The following DLG2 variants were observed in gnomAD, a reference collection of about 807,000 sequenced individuals.
DLG2 encodes the protein disks large homolog 2.
A neutral mutation model predicts 132.5 loss-of-function variants in DLG2; 45 were observed. The ratio of observed to expected loss-of-function variants is 0.34; its 90% confidence interval spans 0.27 to 0.44. The LOEUF (loss-of-function observed/expected upper bound fraction) is 0.44. Ranked by LOEUF, DLG2 falls within the 20% of genes least tolerant of loss-of-function variation. The pLI, the probability that DLG2 is intolerant of heterozygous loss-of-function variation, is 1.00. For synonymous variants in DLG2, 424 were observed against 419.6 expected (o/e 1.01, Z -0.13); for missense variants, 1,045 against 1,196.9 (o/e 0.87, Z 1.87).
intron 3 of DLG2, among the ~76,000 whole-genome samples, chr11:85,504,504 T>A (rs1365582454): frequency 6.6e-6 from 1 of 152,340 alleles, no homozygotes; most frequent in African/African-American, 2.4e-5. Flanking sequence ...GTCAGGTTTA[T>A]CAAATATCAG....
intron 7 of DLG2, among the ~76,000 whole-genome samples, chr11:84,382,613 G>A (rs905411926): frequency 1.3e-5 from 2 of 152,084 alleles, no homozygotes; most frequent in Admixed American, 6.6e-5. Context: ...TGTCTCAGAA[G>A]TTTTGTTTTA....
intron 7 of DLG2, among the ~76,000 whole-genome samples, chr11:84,254,103 C>T (rs2097428025): frequency 6.6e-6 from 1 of 152,064 alleles, no homozygotes; most frequent in Non-Finnish European, 1.5e-5. Context: ...CAAAAGTGTG[C>T]CTCATATCCA....
At chr11:83,563,559 G>A (rs1253302402) in intron 19 of DLG2, among the ~76,000 whole-genome samples, 1 of 152,194 alleles carries the variant, frequency 6.6e-6, no homozygotes, top group African/African-American at 2.4e-5. Context: ...TGATGGGACT[G>A]AAGAGTACAA....
At chr11:85,590,498 TCTATTAA>T (rs2079243655) in intron 3 of DLG2, among the ~76,000 whole-genome samples, 1 of 152,196 alleles carries the variant, frequency 6.6e-6, no homozygotes, top group African/African-American at 2.4e-5. Context: ...TATATCACAT[TCTATTAA>T]CTTGATTAGT....
chr11:84,858,430 A>C (rs901823062), intron 6 of DLG2, among the ~76,000 whole-genome samples: 19 of 152,098 alleles, frequency 1.2e-4, no homozygotes, highest in Non-Finnish European at 2.8e-4. Flanking sequence ...CTTTCAAACA[A>C]TGGCTCTGAA....
At chr11:85,184,517 T>C (rs1176470676) in intron 4 of DLG2, among the ~76,000 whole-genome samples, 3 of 151,786 alleles carry the variant, frequency 2.0e-5, no homozygotes, top group African/African-American at 7.3e-5. Context: ...ACCAAGCAGT[T>C]TCCTCCAAGT....
chr11:84,891,555 C>T (rs999887579), intron 6 of DLG2, among the ~76,000 whole-genome samples: 5 of 152,010 alleles, frequency 3.3e-5, no homozygotes, highest in Admixed American at 1.3e-4. Context: ...ATCAGGATAA[C>T]AGTAATTTTT....
Position 84,544,860 on chromosome 11 carries a change from C to G in DLG2, c.358-10129G>C, listed in dbSNP as rs1187141791. ...CAGCCACAACCAAAAAAAGTGGTCGCTAAAAGTGAATTTTTCACACAGCAA... is the reference window on the plus strand; with the variant it reads ...CAGCCACAACCAAAAAAAGTGGTCGGTAAAAGTGAATTTTTCACACAGCAA... On this transcript the variant is annotated intron_variant, in intron 6 of 27. Coordinates refer to ENST00000376104, the MANE Select transcript of DLG2 (RefSeq NM_001142699.3). Among the ~76,000 whole-genome samples the G allele has an allele frequency of 2.6e-5, 4 of 152,268 alleles. 1 individual carries two copies. Among genetic ancestry groups the G allele is most frequent in the South Asian group, 2.1e-4 (1 of 4,826 alleles).
chr11:84,850,176 C>T (rs1414528227), intron 6 of DLG2, among the ~76,000 whole-genome samples: 1 of 152,098 alleles, frequency 6.6e-6, no homozygotes, highest in East Asian at 1.9e-4. Flanking sequence ...ATATGTTGCC[C>T]TGTTACTGAA....
At chr11:84,527,375 G>A (rs945820955) in intron 7 of DLG2, among the ~76,000 whole-genome samples, 4 of 152,148 alleles carry the variant, frequency 2.6e-5, no homozygotes, top group African/African-American at 9.7e-5. Context: ...GTTATCCTTT[G>A]TCTATAGTTT....
At chr11:84,722,203 C>A (rs944183935) in intron 6 of DLG2, among the ~76,000 whole-genome samples, 8 of 152,118 alleles carry the variant, frequency 5.3e-5, no homozygotes, top group African/African-American at 1.9e-4. Flanking sequence ...TGTGGTAATT[C>A]CAAGACACTT....
intron 3 of DLG2, among the ~76,000 whole-genome samples, chr11:85,395,580 C>A (rs1006358323): frequency 2.0e-5 from 3 of 152,192 alleles, no homozygotes; most frequent in African/African-American, 7.2e-5. Flanking sequence ...ACAGTCCTAG[C>A]AACCAGCAGA....
chr11:84,394,162 C>A (rs906853403), intron 7 of DLG2, among the ~76,000 whole-genome samples: 2 of 152,152 alleles, frequency 1.3e-5, no homozygotes, highest in African/African-American at 4.8e-5. Context: ...TAGGCATGAG[C>A]CACTGCACCT....
chr11:85,289,619 A>G (rs2078769013), intron 3 of DLG2, among the ~76,000 whole-genome samples: 1 of 152,178 alleles, frequency 6.6e-6, no homozygotes. Flanking sequence ...GTGTTAAAAC[A>G]TACGCCTATG....
chr11:85,349,172 A>G (rs2083088744), intron 3 of DLG2, among the ~76,000 whole-genome samples: 1 of 152,156 alleles, frequency 6.6e-6, no homozygotes, highest in South Asian at 2.1e-4. Context: ...AACTGAGCAG[A>G]CTGTTTGTAG....
intron 12 of DLG2, among the ~76,000 whole-genome samples, chr11:83,979,080 A>C (rs1356600617): frequency 6.6e-6 from 1 of 152,180 alleles, no homozygotes; most frequent in African/African-American, 2.4e-5. Flanking sequence ...CATGGAACTT[A>C]GTAAATGCCA....
At chr11:83,849,215 T>C (rs1565328648) in intron 16 of DLG2, among the ~76,000 whole-genome samples, 1 of 151,716 alleles carries the variant, frequency 6.6e-6, no homozygotes, top group African/African-American at 2.4e-5. Context: ...ATAATGGTAG[T>C]ACTTACATTG....
intron 6 of DLG2, among the ~76,000 whole-genome samples, chr11:84,662,344 T>C (rs1386364201): frequency 2.0e-5 from 3 of 151,800 alleles, no homozygotes; most frequent in Admixed American, 6.6e-5. Flanking sequence ...GCCCAGCTAA[T>C]GTTGTATTTT....
chr11:84,830,386 C>A (rs1284529883), intron 6 of DLG2, among the ~76,000 whole-genome samples: 1 of 143,306 alleles, frequency 7.0e-6, no homozygotes, highest in Non-Finnish European at 1.5e-5. Flanking sequence ...TTTTTTTTGG[C>A]AAGTGGAGGA....
Sources: allele counts gnomAD v4.1 joint callset (sites outside exome capture counted in the v4.1 genomes callset), GRCh38; gene constraint gnomAD v4.1.1; transcripts MANE v1.5; gene names NCBI Gene and HGNC (gene_info 2026-07-23, HGNC 2026-07-21).